Variants in SUGCT observed in about 807,000 individuals in gnomAD.
SUGCT encodes succinyl-CoA:glutarate CoA-transferase.
Under a neutral mutation model 55.0 loss-of-function variants are expected in SUGCT, and 41 were observed. That is an observed-to-expected ratio of 0.74 (90% confidence interval 0.58 to 0.97). SUGCT has a LOEUF of 0.97. Ranked by LOEUF, SUGCT falls within the 50% of genes least tolerant of loss-of-function variation. The pLI is 0.00. For missense variants in SUGCT, 568 were observed against 547.8 expected (o/e 1.04, Z -0.37); for synonymous variants, 187 against 200.4 (o/e 0.93, Z 0.56).
At chr7:40,649,331 A>G (rs989758047) in intron 12 of SUGCT, among the ~76,000 whole-genome samples, 1 of 152,166 alleles carries the variant, frequency 6.6e-6, no homozygotes, top group Non-Finnish European at 1.5e-5. Context: ...TAATAATAGT[A>G]TGTCACATTT....
chr7:40,820,046 T>C (rs1193085261), intron 13 of SUGCT, among the ~76,000 whole-genome samples: 1 of 152,146 alleles, frequency 6.6e-6, no homozygotes, highest in East Asian at 1.9e-4. Flanking sequence ...TTTTGTCAGG[T>C]TTGTCAAAGA....
intron 13 of SUGCT, among the ~76,000 whole-genome samples, chr7:40,786,463 C>T (rs560044884): frequency 2.6e-5 from 4 of 152,226 alleles, no homozygotes; most frequent in Admixed American, 6.5e-5. Context: ...CTGGCAATCA[C>T]GTCTGATTTC....
intron 9 of SUGCT, among the ~76,000 whole-genome samples, chr7:40,418,452 A>AT (rs1787128244): frequency 6.6e-6 from 1 of 152,112 alleles, no homozygotes; most frequent in South Asian, 2.1e-4. Context: ...CTCACTGCAC[A>AT]TTTTTATTAC....
At chr7:40,886,740 T>G in the SUGCT span, among the ~76,000 whole-genome samples, 1 of 152,186 alleles carries the variant, frequency 6.6e-6, no homozygotes, top group African/African-American at 2.4e-5. Flanking sequence ...GCAAGATAAT[T>G]TGGAGATACC....
At chr7:40,776,390 G>C (rs1259875663) in intron 13 of SUGCT, among the ~76,000 whole-genome samples, 1 of 152,078 alleles carries the variant, frequency 6.6e-6, no homozygotes, top group Non-Finnish European at 1.5e-5. Flanking sequence ...TTGTATTTTA[G>C]GACATAAACC....
intron 9 of SUGCT, among the ~76,000 whole-genome samples, chr7:40,449,028 C>T (rs1441045745): frequency 1.3e-5 from 2 of 150,938 alleles, no homozygotes; most frequent in Non-Finnish European, 2.9e-5. Context: ...TGGAAATATT[C>T]CGTCTGTGCT....
At chr7:40,158,035 C>T (rs1045602442) in intron 1 of SUGCT, among the ~76,000 whole-genome samples, 1 of 151,894 alleles carries the variant, frequency 6.6e-6, no homozygotes, top group Non-Finnish European at 1.5e-5. Context: ...GGTGGAATCC[C>T]GTCTTTATTA....
chr7:40,313,627 GTTTGTT>G (rs1014091444), intron 8 of SUGCT, among the ~76,000 whole-genome samples: 22 of 134,918 alleles, frequency 1.6e-4, no homozygotes, highest in Non-Finnish European at 2.2e-4. Flanking sequence ...TTTTTTGTTT[GTTTGTT>G]TTTGTTTTTG....
intron 9 of SUGCT, among the ~76,000 whole-genome samples, chr7:40,329,548 C>T (rs183370630): frequency 2.6e-5 from 4 of 152,246 alleles, no homozygotes; most frequent in Middle Eastern, 3.4e-3. Flanking sequence ...TCCTCCTTCT[C>T]GCCTGAGGGT....
chr7:40,845,635 T>C (rs917099757), intron 13 of SUGCT, among the ~76,000 whole-genome samples: 2 of 152,146 alleles, frequency 1.3e-5, no homozygotes, highest in African/African-American at 4.8e-5. Context: ...AATAGGGGCA[T>C]AGAGAGAAAG....
intron 6 of SUGCT, among the ~76,000 whole-genome samples, chr7:40,196,688 C>T (rs550327688): frequency 3.7e-4 from 57 of 152,130 alleles, no homozygotes; most frequent in South Asian, 3.1e-3. Context: ...GCCACCACAC[C>T]CGGGTAATTT....
the SUGCT span, among the ~76,000 whole-genome samples, chr7:40,882,951 T>G: frequency 1.3e-5 from 2 of 152,236 alleles, no homozygotes; most frequent in Non-Finnish European, 2.9e-5. Flanking sequence ...TTTGAAAACC[T>G]TTCTATGCTT....
At chr7:40,768,443 C>T (rs906458063) in intron 13 of SUGCT, among the ~76,000 whole-genome samples, 42 of 152,106 alleles carry the variant, frequency 2.8e-4, no homozygotes, top group African/African-American at 8.0e-4. Context: ...TTGGCCACTT[C>T]GTGGGAGGCA....
chr7:40,792,466 G>A lies in SUGCT; in HGVS notation c.1153+42969G>A, dbSNP rs181735576. On this transcript the variant is annotated intron_variant, in intron 13 of 13. Transcript: ENST00000335693. The stretch of plus-strand genomic sequence containing the variant: ...TCCTTTGATGAGAAGGATATTTCAA[G>A]GGATCTCCAATTTGTCTTACTCCCT... Among the ~76,000 whole-genome samples, 7 of 152,216 alleles carry A rather than the reference G, an allele frequency of 4.6e-5. No homozygotes were observed. In the East Asian group the frequency reaches 1.4e-3, roughly 29 times the overall value.
chr7:40,879,794 C>G, the SUGCT span, among the ~76,000 whole-genome samples: 1 of 152,196 alleles, frequency 6.6e-6, no homozygotes, highest in Admixed American at 6.5e-5. Context: ...TTTGGCCTCT[C>G]TCCATGTGTC....
intron 13 of SUGCT, among the ~76,000 whole-genome samples, chr7:40,767,312 A>G (rs1187117264): frequency 6.6e-6 from 1 of 152,254 alleles, no homozygotes; most frequent in South Asian, 2.1e-4. Context: ...TACCCAAAAT[A>G]TATGCCCATA....
intron 9 of SUGCT, among the ~76,000 whole-genome samples, chr7:40,329,607 T>C (rs1796203599): frequency 6.6e-6 from 1 of 152,190 alleles, no homozygotes; most frequent in African/African-American, 2.4e-5. Context: ...GAGTAGTCTA[T>C]GGAGTGGCAG....
chr7:40,385,850 A>G (rs973019107), intron 9 of SUGCT, among the ~76,000 whole-genome samples: 25 of 152,158 alleles, frequency 1.6e-4, no homozygotes, highest in African/African-American at 6.0e-4. Flanking sequence ...AAAACCAATA[A>G]TTTGTGTCAC....
intron 12 of SUGCT, among the ~76,000 whole-genome samples, chr7:40,677,519 C>T (rs1584258720): frequency 6.6e-6 from 1 of 152,312 alleles, no homozygotes; most frequent in South Asian, 2.1e-4. Context: ...CAACCCCAGA[C>T]ATCATGTTCA....
Sources: allele counts gnomAD v4.1 joint callset (sites outside exome capture counted in the v4.1 genomes callset), GRCh38; gene constraint gnomAD v4.1.1; transcripts MANE v1.5; gene names NCBI Gene and HGNC (gene_info 2026-07-23, HGNC 2026-07-21).